The following ASB17 variants were observed in gnomAD, a reference collection of about 807,000 sequenced individuals.
The protein encoded by ASB17 is ankyrin repeat and SOCS box containing 17.
A neutral mutation model predicts 25.7 loss-of-function variants in ASB17; 26 were observed. The observed-to-expected ratio is 1.01, with a 90% confidence interval of 0.74 to 1.40. The LOEUF is 1.40. ASB17 is among the 40% of genes most tolerant of loss of function. The probability of loss-of-function intolerance (pLI) is 0.00; values close to 1 mark genes in which losing one functional copy is unlikely to be tolerated. For missense variants in ASB17, 326 were observed against 338.5 expected (o/e 0.96, Z 0.29); for synonymous variants, 128 against 121.4 (o/e 1.05, Z -0.36).
chr1:75,925,554 G>GTT (rs1453902347), intron 1 of ASB17, among the ~76,000 whole-genome samples: 2 of 152,064 alleles, frequency 1.3e-5, no homozygotes, highest in African/African-American at 4.8e-5. Context: ...TAAAGAGTAT[G>GTT]TTACTGTAAA....
chr1:75,922,208 T>C lies in ASB17; in HGVS notation c.553A>G (p.Ile185Val). 1 of 1,613,894 alleles carries C rather than the reference T, an allele frequency of 6.2e-7. No individual in the cohort carries two copies. The highest frequency in any genetic ancestry group is 8.5e-7 in the Non-Finnish European group (1 of 1,179,858). Residue 185 changes from isoleucine (I) to valine (V), a missense_variant, in exon 2 of 3, where the codon ATA (isoleucine) becomes GTA (valine). Physicochemically the swap from Ile to Val is conservative, Grantham distance 29 (BLOSUM62 3). Coordinates refer to ENST00000284142, the MANE Select transcript of ASB17 (RefSeq NM_080868.3). Reference sequence around the variant, plus strand: ...CTTACTCTCGAAGGGTAGAGTACTATTGTTAAGACAATGTTGATAGGGTTT... The same window carrying C: ...CTTACTCTCGAAGGGTAGAGTACTACTGTTAAGACAATGTTGATAGGGTTT... ...EKNPINIVLT[I>V]VLYPSRVRVM...
At chr1:75,921,422 T>A (rs1356222553) in intron 2 of ASB17, among the ~76,000 whole-genome samples, 1 of 152,156 alleles carries the variant, frequency 6.6e-6, no homozygotes, top group East Asian at 1.9e-4. Context: ...TTTATAGGGG[T>A]AGCTTTCTCT....
At position 75,919,170 on chromosome 1, in the gene ASB17, CA is replaced by C; in HGVS notation, c.682-13del. On this transcript the variant is annotated splice_polypyrimidine_tract_variant and intron_variant, in intron 2 of 2. Transcript: ENST00000284142. The stretch of plus-strand genomic sequence containing the variant: ...AAACTCAGCTGTGTCTGAAGAAAAG[CA>C]AAATATTTTACTTTTGTAATGTTTT... 1 of 1,577,688 alleles carries C rather than the reference CA, an allele frequency of 6.3e-7. No homozygotes were observed. The highest frequency in any genetic ancestry group is 8.7e-7 in the Non-Finnish European group (1 of 1,153,094).
chr1:75,919,693 A>G (rs1006771161), intron 2 of ASB17, among the ~76,000 whole-genome samples: 5 of 152,196 alleles, frequency 3.3e-5, no homozygotes, highest in Non-Finnish European at 7.3e-5. Context: ...AATTTCATCC[A>G]TGTCCCTACA....
At chr1:75,922,488 CT>C (rs3037164) in intron 1 of ASB17, 129 bp from the exon 2 acceptor site, 1,836 of 121,878 alleles carry the variant, frequency 0.015, no homozygotes, top group South Asian at 0.033. Context: ...TTATATGTTT[CT>C]TTTTTTTTTT....
At chr1:75,931,494 A>G (rs1307211597) in intron 1 of ASB17, among the ~76,000 whole-genome samples, 2 of 152,216 alleles carry the variant, frequency 1.3e-5, no homozygotes, top group African/African-American at 4.8e-5. Context: ...AATAAGTATT[A>G]CTATGTGAAG....
intron 1 of ASB17, among the ~76,000 whole-genome samples, chr1:75,924,277 G>GA (rs1373164928): frequency 6.6e-6 from 1 of 151,970 alleles, no homozygotes; most frequent in African/African-American, 2.4e-5. Context: ...ACAAAACTAA[G>GA]AAAAAAGAGT....
At chr1:75,921,547 G>A (rs138942069) in intron 2 of ASB17, among the ~76,000 whole-genome samples, 1 of 152,280 alleles carries the variant, frequency 6.6e-6, no homozygotes, top group African/African-American at 2.4e-5. Flanking sequence ...CTCTAAATTT[G>A]ATTTATTCCA....
intron 1 of ASB17, among the ~76,000 whole-genome samples, chr1:75,925,632 C>T (rs1653150655): frequency 1.3e-5 from 2 of 152,014 alleles, no homozygotes; most frequent in South Asian, 4.1e-4. Flanking sequence ...GTGCAGCAAG[C>T]AAAGCAAGAA....
intron 2 of ASB17, 123 bp downstream of exon 2, chr1:75,921,957 T>A: frequency 1.2e-6 from 1 of 806,064 alleles, no homozygotes; most frequent in Non-Finnish European, 1.9e-6. Context: ...AATAGGCATA[T>A]ACTCAATGAT....
At chr1:75,931,193 C>T (rs1374199804) in intron 1 of ASB17, among the ~76,000 whole-genome samples, 1 of 152,112 alleles carries the variant, frequency 6.6e-6, no homozygotes, top group Non-Finnish European at 1.5e-5. Context: ...TGAATGAACA[C>T]ATGAATGTTT....
At chr1:75,926,625 G>C (rs143850879) in intron 1 of ASB17, among the ~76,000 whole-genome samples, 21 of 152,308 alleles carry the variant, frequency 1.4e-4, no homozygotes, top group African/African-American at 4.6e-4. Flanking sequence ...TAGAAGAGTA[G>C]TGTGATCTGC....
Position 75,932,400 on chromosome 1 carries a change from C to T in ASB17, c.-109G>A, listed in dbSNP as rs1353812708. The T allele has an allele frequency of 1.0e-6, 1 of 994,978 alleles. No homozygotes were observed. The highest frequency in any genetic ancestry group is 1.6e-5 in the African/African-American group (1 of 61,536). 61.6% of individuals were successfully genotyped at this position (994,978 alleles called of 1,614,324 possible). On this transcript the variant is annotated 5_prime_UTR_variant, in exon 1 of 3. Transcript: ENST00000284142. Reference sequence around the variant, plus strand: ...GGCTTTACTCCACAAACAGAAGTGCCCTTTAAACTGTAACCAGAAAAAATA... The same window carrying T: ...GGCTTTACTCCACAAACAGAAGTGCTCTTTAAACTGTAACCAGAAAAAATA...
intron 1 of ASB17, among the ~76,000 whole-genome samples, chr1:75,931,112 T>G (rs182913697): frequency 9.8e-5 from 15 of 152,338 alleles, no homozygotes; most frequent in African/African-American, 3.1e-4. Flanking sequence ...TTTCATTGCA[T>G]ACATGCATTT....
intron 1 of ASB17, among the ~76,000 whole-genome samples, chr1:75,930,898 G>T (rs966336499): frequency 3.3e-5 from 5 of 152,040 alleles, no homozygotes; most frequent in African/African-American, 9.7e-5. Flanking sequence ...CAAATATAAT[G>T]GTTACTTAAA....
At chr1:75,928,816 G>T (rs909385896) in intron 1 of ASB17, among the ~76,000 whole-genome samples, 3 of 152,172 alleles carry the variant, frequency 2.0e-5, no homozygotes, top group Admixed American at 6.5e-5. Context: ...ATCTGACATA[G>T]TTCTACACAC....
Position 75,930,111 on chromosome 1 carries a change from T to A in ASB17, c.401+1780A>T, listed in dbSNP as rs528588049. Among the ~76,000 whole-genome samples, 146 of 151,202 alleles carry A rather than the reference T, an allele frequency of 9.7e-4. 1 individual carries two copies. Among genetic ancestry groups the A allele is most frequent in the African/African-American group, 3.4e-3 (140 of 41,328 alleles). Reference sequence around the variant, plus strand: ...ACACTGGGGATAAAGATTTTGAGAGTCATTGGCATATACATCATATTTAAA... The same window carrying A: ...ACACTGGGGATAAAGATTTTGAGAGACATTGGCATATACATCATATTTAAA... On this transcript the variant is annotated intron_variant, in intron 1 of 2. Coordinates refer to ENST00000284142, the MANE Select transcript of ASB17 (RefSeq NM_080868.3).
chr1:75,931,800 A>C (rs1653327132), intron 1 of ASB17, 91 bp downstream of exon 1: 19 of 1,176,438 alleles, frequency 1.6e-5, no homozygotes, highest in Non-Finnish European at 2.2e-5. Context: ...ACATATAGCC[A>C]CTATACATGT....
chr1:75,920,887 G>A (rs1269454159), intron 2 of ASB17, among the ~76,000 whole-genome samples: 1 of 152,128 alleles, frequency 6.6e-6, no homozygotes, highest in Non-Finnish European at 1.5e-5. Flanking sequence ...CCATTCTCCT[G>A]CCTCAGCCTC....
Sources: allele counts gnomAD v4.1 joint callset (sites outside exome capture counted in the v4.1 genomes callset), GRCh38; gene constraint gnomAD v4.1.1; transcripts MANE v1.5; gene names NCBI Gene and HGNC (gene_info 2026-07-23, HGNC 2026-07-21).